RYR2: variants seen among roughly 807,000 people sequenced by gnomAD.
The protein encoded by RYR2 is cardiac muscle ryanodine receptor-calcium release channel.
A neutral mutation model predicts 601.1 loss-of-function variants in RYR2; 227 were observed. The observed-to-expected ratio is 0.38, with a 90% CI of 0.34 to 0.42. The LOEUF (loss-of-function observed/expected upper bound fraction) is 0.42, where lower values mean the gene tolerates loss of function less well. Ranked by LOEUF, RYR2 falls within the 10% of genes least tolerant of loss-of-function variation. The pLI is 1.00. For missense variants in RYR2, 4,646 were observed against 6,156.5 expected (o/e 0.75, Z 8.21); for synonymous variants, 2,223 against 2,175.1 (o/e 1.02, Z -0.61).
At chr1:237,268,935 C>CAAA (rs1160004017) in intron 1 of RYR2, among the ~76,000 whole-genome samples, 244 of 16,208 alleles carry the variant, frequency 0.015, 47 homozygotes, top group African/African-American at 0.029. Flanking sequence ...ACTCTTGTCT[C>CAAA]AAAAAAAAAA....
intron 66 of RYR2, 67 bp downstream of exon 66, chr1:237,702,126 G>T (rs1202258449): frequency 2.2e-6 from 2 of 897,560 alleles, no homozygotes; most frequent in Non-Finnish European, 3.6e-6. Flanking sequence ...TTTATTTCAA[G>T]AATCTTCATT....
intron 63 of RYR2, among the ~76,000 whole-genome samples, chr1:237,697,657 C>T (rs1488010593): frequency 6.7e-6 from 1 of 149,064 alleles, no homozygotes; most frequent in Admixed American, 6.7e-5. Context: ...ATGCAAGTAC[C>T]ATAAGGACTA....
chr1:237,537,578 T>G (rs1306206967), intron 25 of RYR2, among the ~76,000 whole-genome samples: 4 of 152,066 alleles, frequency 2.6e-5, no homozygotes, highest in Non-Finnish European at 5.9e-5. Context: ...GCCTCCCAAA[T>G]TGCTGGGATT....
intron 44 of RYR2, among the ~76,000 whole-genome samples, chr1:237,635,239 C>T (rs1296187849): frequency 6.6e-6 from 1 of 152,008 alleles, no homozygotes; most frequent in East Asian, 1.9e-4. Context: ...TTCTACTATA[C>T]ATTATATTGT....
chr1:237,262,007 T>G (rs994133954), intron 1 of RYR2, among the ~76,000 whole-genome samples: 2 of 152,138 alleles, frequency 1.3e-5, no homozygotes, highest in African/African-American at 4.8e-5. Context: ...GCAATTTAGC[T>G]CTTATAATAT....
chr1:237,291,494 T>C (rs1558566853), intron 2 of RYR2, among the ~76,000 whole-genome samples: 7 of 152,212 alleles, frequency 4.6e-5, no homozygotes, highest in Admixed American at 6.5e-5. Context: ...TAGATGTTTA[T>C]AGAACCTTGT....
At chr1:237,772,484 A>G (rs1376946092) in intron 86 of RYR2, among the ~76,000 whole-genome samples, 2 of 152,226 alleles carry the variant, frequency 1.3e-5, no homozygotes, top group African/African-American at 4.8e-5. Context: ...AACTACTACC[A>G]TACACTTAAA....
At chr1:237,452,113 G>C (rs1347182802) in intron 14 of RYR2, among the ~76,000 whole-genome samples, 1 of 147,852 alleles carries the variant, frequency 6.8e-6, no homozygotes, top group Non-Finnish European at 1.5e-5. Context: ...GTGTATGTGT[G>C]TGTATACTTC....
chr1:237,623,486 C>T lies in RYR2; in HGVS notation c.5917-279C>T, dbSNP rs1381773391. Among the ~76,000 whole-genome samples the T allele has an allele frequency of 4.0e-5, 6 of 148,536 alleles. No individual in the cohort carries two copies. In the East Asian group the frequency reaches 1.2e-3, roughly 29 times the overall value. ...TCGGCTCACTGCAACCTCCACCTCC[C>T]AGGTTCAAACAATTCTACTGCCTCA... On this transcript the variant is annotated intron_variant, in intron 38 of 104. Coordinates refer to ENST00000366574, the MANE Select transcript of RYR2 (RefSeq NM_001035.3).
intron 8 of RYR2, among the ~76,000 whole-genome samples, chr1:237,383,461 G>A (rs1288702459): frequency 1.0e-5 from 1 of 96,310 alleles, no homozygotes; most frequent in Non-Finnish European, 1.9e-5. Flanking sequence ...ACAGAGTCTT[G>A]CTCTGTCGCC....
At chr1:237,423,695 G>A (rs1705822443) in intron 12 of RYR2, among the ~76,000 whole-genome samples, 1 of 152,108 alleles carries the variant, frequency 6.6e-6, no homozygotes, top group Non-Finnish European at 1.5e-5. Context: ...GATGTTTTTG[G>A]GTTACAGTGT....
chr1:237,495,512 T>A (rs1470792102), intron 19 of RYR2, among the ~76,000 whole-genome samples: 1 of 152,218 alleles, frequency 6.6e-6, no homozygotes, highest in African/African-American at 2.4e-5. Context: ...ATGTTTTTGT[T>A]TGTTTGTTTG....
intron 1 of RYR2, among the ~76,000 whole-genome samples, chr1:237,198,645 T>A (rs1342686728): frequency 1.3e-5 from 2 of 152,148 alleles, no homozygotes; most frequent in African/African-American, 4.8e-5. Flanking sequence ...CAATTTGGCA[T>A]GAACTTGACT....
chr1:237,683,661 A>G (rs1273509904), intron 62 of RYR2, among the ~76,000 whole-genome samples: 3 of 150,558 alleles, frequency 2.0e-5, no homozygotes, highest in African/African-American at 7.4e-5. Flanking sequence ...CAGAATCAGG[A>G]ATTTTCTTCT....
At chr1:237,100,965 G>A (rs1028329970) in intron 1 of RYR2, among the ~76,000 whole-genome samples, 16 of 151,920 alleles carry the variant, frequency 1.1e-4, no homozygotes, top group African/African-American at 3.9e-4. Context: ...ACCATGTGAT[G>A]TTGGGATGGC....
At position 237,666,587 on chromosome 1, in the gene RYR2, C is replaced by T. The variant is rs1457993872; in HGVS notation, c.8512C>T (p.His2838Tyr). Residue 2838 changes from histidine (H) to tyrosine (Y), a missense_variant and splice_region_variant, in exon 57 of 105, where the codon CAT becomes TAT. Coordinates refer to ENST00000366574, the MANE Select transcript of RYR2 (RefSeq NM_001035.3). ...CAATGTTACACTATCTAGAGACCTGCATGTAAGTACTATTAACTTTTAAAA... is the reference window on the plus strand; with the variant it reads ...CAATGTTACACTATCTAGAGACCTGTATGTAAGTACTATTAACTTTTAAAA... ...MSNVTLSRDL[H>Y]AMAEMMAENY... 6 of 1,609,134 alleles carry T rather than the reference C, an allele frequency of 3.7e-6. No homozygotes were observed. The highest frequency in any genetic ancestry group is 5.1e-6 in the Non-Finnish European group (6 of 1,176,890).
At chr1:237,563,383 C>G (rs1671647822) in intron 27 of RYR2, among the ~76,000 whole-genome samples, 1 of 146,436 alleles carries the variant, frequency 6.8e-6, no homozygotes, top group African/African-American at 2.5e-5. Flanking sequence ...CGCACTCCAG[C>G]CTGGGCAACA....
intron 3 of RYR2, among the ~76,000 whole-genome samples, chr1:237,335,018 G>A (rs1385249985): frequency 6.6e-6 from 1 of 152,032 alleles, no homozygotes; most frequent in Non-Finnish European, 1.5e-5. Flanking sequence ...TCCCTGGGTT[G>A]GACTGCTATT....
intron 1 of RYR2, among the ~76,000 whole-genome samples, chr1:237,128,360 T>C (rs9943191): frequency 0.086 from 13,007 of 151,768 alleles, 1,488 homozygotes; most frequent in African/African-American, 0.26. Context: ...AGAGGGAGAC[T>C]GTGGAAAGAG....
Sources: gnomAD v4.1 joint callset for allele counts (sites outside exome capture counted in the v4.1 genomes callset) on GRCh38, gnomAD v4.1.1 for gene constraint, MANE v1.5 for transcripts, NCBI Gene and HGNC (gene_info 2026-07-23, HGNC 2026-07-21) for gene names.